Variants in CSMD1 observed in about 807,000 individuals in gnomAD.
CSMD1 encodes CUB and Sushi multiple domains 1, also known as CUB and sushi domain-containing protein 1.
CSMD1 carries 213 observed loss-of-function variants against 417.5 expected under a neutral mutation model. The observed-to-expected ratio is 0.51, with a 90% confidence interval of 0.46 to 0.57. The LOEUF (loss-of-function observed/expected upper bound fraction) is 0.57. CSMD1 is among the 20% of genes least tolerant of loss of function. The probability of loss-of-function intolerance (pLI) is 0.00; values close to 1 mark genes in which losing one functional copy is unlikely to be tolerated. For missense variants in CSMD1, 6,923 were observed against 4,529.7 expected (o/e 1.53, Z -15.17); for synonymous variants, 2,862 against 1,736.8 (o/e 1.65, Z -16.11).
At chr8:4,654,092 C>G (rs2130903278) in intron 1 of CSMD1, among the ~76,000 whole-genome samples, 1 of 152,210 alleles carries the variant, frequency 6.6e-6, no homozygotes, top group Non-Finnish European at 1.5e-5. Context: ...TTTTTTCTTT[C>G]CCGGTGCAAA....
chr8:3,757,193 C>A (rs757843911), intron 5 of CSMD1, among the ~76,000 whole-genome samples: 3 of 152,134 alleles, frequency 2.0e-5, no homozygotes, highest in Non-Finnish European at 2.9e-5. Context: ...CACTCTTTAC[C>A]CTCATCTGTA....
chr8:4,780,561 T>C (rs750725096), intron 1 of CSMD1, among the ~76,000 whole-genome samples: 2 of 151,146 alleles, frequency 1.3e-5, no homozygotes, highest in Admixed American at 6.6e-5. Context: ...TTGTAATTAT[T>C]ATTATTTATA....
chr8:3,981,845 C>T (rs74658351), intron 5 of CSMD1, among the ~76,000 whole-genome samples: 1,765 of 152,242 alleles, frequency 0.012, 34 homozygotes, highest in African/African-American at 0.041. Context: ...AGGGCGTGCA[C>T]TTGCTGCAGG....
chr8:4,755,406 T>A (rs763085619), intron 1 of CSMD1, among the ~76,000 whole-genome samples: 1 of 152,232 alleles, frequency 6.6e-6, no homozygotes, highest in African/African-American at 2.4e-5. Flanking sequence ...AATACTTGGT[T>A]CTGATGACTT....
At chr8:4,453,877 A>C (rs1445602355) in intron 2 of CSMD1, among the ~76,000 whole-genome samples, 2 of 120,274 alleles carry the variant, frequency 1.7e-5, no homozygotes, top group African/African-American at 6.4e-5. Context: ...GCTGGAGTGC[A>C]CTGGCGCGAC....
At chr8:3,443,500 G>T (rs764249422) in intron 12 of CSMD1, among the ~76,000 whole-genome samples, 1 of 152,258 alleles carries the variant, frequency 6.6e-6, no homozygotes, top group Non-Finnish European at 1.5e-5. Context: ...ATATGTGTGC[G>T]TCTGTTTCTT....
At chr8:4,523,931 A>T (rs1434036018) in intron 2 of CSMD1, among the ~76,000 whole-genome samples, 1 of 152,064 alleles carries the variant, frequency 6.6e-6, no homozygotes, top group Non-Finnish European at 1.5e-5. Context: ...CTGCTCCTCA[A>T]TGCTCTGTGA....
chr8:4,239,710 A>T (rs2128820679), intron 3 of CSMD1, among the ~76,000 whole-genome samples: 1 of 152,300 alleles, frequency 6.6e-6, no homozygotes, highest in South Asian at 2.1e-4. Flanking sequence ...TGTTTTGGGA[A>T]AACTGGTTGC....
rs116121091 is a variant in CSMD1 at position 4,574,790 on chromosome 8, G to A, written c.302+62552C>T. Reference sequence around the variant, plus strand: ...AATGAAAGCAACACTCATAGTTTCTGCATTTGCCATCCAATATCAAAACAA... The same window carrying A: ...AATGAAAGCAACACTCATAGTTTCTACATTTGCCATCCAATATCAAAACAA... On this transcript the variant is annotated intron_variant, in intron 2 of 69. Coordinates refer to ENST00000635120, the MANE Select transcript of CSMD1 (RefSeq NM_033225.6). Among the ~76,000 whole-genome samples, 552 of 152,286 alleles carry A rather than the reference G, an allele frequency of 3.6e-3. 3 individuals are homozygous for A. The highest frequency in any genetic ancestry group is 0.013 in the African/African-American group (531 of 41,560).
intron 1 of CSMD1, among the ~76,000 whole-genome samples, chr8:4,991,028 G>A (rs1811436415): frequency 6.6e-6 from 1 of 152,128 alleles, no homozygotes; most frequent in Admixed American, 6.5e-5. Flanking sequence ...TGGCGTAGTA[G>A]TGTTGTGTGT....
At chr8:4,194,156 T>G (rs142845964) in intron 3 of CSMD1, among the ~76,000 whole-genome samples, 38 of 152,212 alleles carry the variant, frequency 2.5e-4, no homozygotes, top group African/African-American at 8.7e-4. Flanking sequence ...AGAAAACAAT[T>G]AAAATATTGC....
chr8:4,273,852 T>A (rs779112), intron 3 of CSMD1, among the ~76,000 whole-genome samples: 76,168 of 151,906 alleles, frequency 0.5, 19,280 homozygotes, highest in Admixed American at 0.59. Context: ...TGAAATGATA[T>A]AACATACTTG....
intron 3 of CSMD1, among the ~76,000 whole-genome samples, chr8:4,188,097 G>T (rs1009875601): frequency 1.3e-5 from 2 of 152,046 alleles, no homozygotes; most frequent in Admixed American, 1.3e-4. Context: ...CTGGCAGGAT[G>T]CACGACATGT....
intron 2 of CSMD1, among the ~76,000 whole-genome samples, chr8:4,567,586 GA>G (rs1389538850): frequency 6.6e-6 from 1 of 152,114 alleles, no homozygotes; most frequent in South Asian, 2.1e-4. Context: ...AATTGAGCTT[GA>G]AAACCCCACA....
intron 5 of CSMD1, among the ~76,000 whole-genome samples, chr8:3,779,741 T>A (rs1799077526): frequency 6.6e-6 from 1 of 152,240 alleles, no homozygotes; most frequent in African/African-American, 2.4e-5. Context: ...AAATTATATT[T>A]AAGTTATTTG....
intron 3 of CSMD1, among the ~76,000 whole-genome samples, chr8:4,126,336 T>C (rs1321782042): frequency 6.6e-6 from 1 of 152,212 alleles, no homozygotes; most frequent in African/African-American, 2.4e-5. Flanking sequence ...GGGGGCAAGG[T>C]GAACCCACTG....
chr8:4,542,337 A>C (rs1398169454), intron 2 of CSMD1, among the ~76,000 whole-genome samples: 1 of 150,692 alleles, frequency 6.6e-6, no homozygotes, highest in Non-Finnish European at 1.5e-5. Flanking sequence ...ACAGAAAATA[A>C]AAGATACAAA....
At chr8:3,423,498 G>A (rs576236418) in intron 12 of CSMD1, among the ~76,000 whole-genome samples, 1 of 152,270 alleles carries the variant, frequency 6.6e-6, no homozygotes, top group South Asian at 2.1e-4. Flanking sequence ...TTGGTTCCCT[G>A]TATCAGTAGT....
chr8:4,873,026 A>G (rs1004044824), intron 1 of CSMD1, among the ~76,000 whole-genome samples: 1 of 152,098 alleles, frequency 6.6e-6, no homozygotes, highest in African/African-American at 2.4e-5. Context: ...GCATTGTGAA[A>G]TGGTTACCAC....
Sources: allele counts gnomAD v4.1 joint callset (sites outside exome capture counted in the v4.1 genomes callset), GRCh38; gene constraint gnomAD v4.1.1; transcripts MANE v1.5; gene names NCBI Gene and HGNC (gene_info 2026-07-23, HGNC 2026-07-21).